ADAM18: variants seen among roughly 807,000 people sequenced by gnomAD.
The protein encoded by ADAM18 is disintegrin and metalloproteinase domain-containing protein 18.
A neutral mutation model predicts 94.4 loss-of-function variants in ADAM18; 117 were observed. The ratio of observed to expected loss-of-function variants is 1.24; its 90% CI spans 1.07 to 1.45. The LOEUF is 1.45. Among genes scored for constraint, ADAM18 ranks in the 40% most tolerant of loss-of-function variants. ADAM18 has a pLI of 0.00. For missense variants in ADAM18, 936 were observed against 880.0 expected (o/e 1.06, Z -0.81); for synonymous variants, 327 against 291.6 (o/e 1.12, Z -1.24).
rs1011023426 is a variant in ADAM18, at chr8:39,649,324, C to T, written c.1230+797C>T. 3.3e-5 allele frequency among the ~76,000 whole-genome samples: 5 copies of T among 152,130 alleles called. No homozygotes were observed. The East Asian group carries it at 9.7e-4, about 29-fold the overall frequency. ...GTATCTCTATATGTGTATATACACA[C>T]ACATATATCACACTTAAATGTATGT... On this transcript the variant is annotated intron_variant, in intron 12 of 19. Transcript: ENST00000265707.
chr8:39,615,295 G>T (rs1353939804), intron 6 of ADAM18, among the ~76,000 whole-genome samples: 1 of 149,680 alleles, frequency 6.7e-6, no homozygotes, highest in African/African-American at 2.5e-5. Context: ...TTCACACCAA[G>T]AAGATCTCTA....
chr8:39,619,620 C>T (rs1356890471), intron 6 of ADAM18, among the ~76,000 whole-genome samples: 1 of 151,888 alleles, frequency 6.6e-6, no homozygotes. Context: ...ATAAAGAATT[C>T]AAGAAAACAA....
At chr8:39,675,603 A>G (rs1821278570) in intron 14 of ADAM18, among the ~76,000 whole-genome samples, 1 of 152,128 alleles carries the variant, frequency 6.6e-6, no homozygotes, top group East Asian at 1.9e-4. Flanking sequence ...TGTTATTACC[A>G]ACCTTCTGAA....
chr8:39,697,023 C>G (rs1051270386), intron 17 of ADAM18, among the ~76,000 whole-genome samples: 7 of 151,394 alleles, frequency 4.6e-5, no homozygotes, highest in Admixed American at 4.6e-4. Flanking sequence ...AAATTTATAT[C>G]TTCTTTAACT....
chr8:39,654,556 T>A (rs1003108660), intron 12 of ADAM18, among the ~76,000 whole-genome samples: 17 of 152,198 alleles, frequency 1.1e-4, no homozygotes, highest in Non-Finnish European at 2.2e-4. Context: ...TTTGGATGTA[T>A]ATCCAGCAGT....
intron 17 of ADAM18, among the ~76,000 whole-genome samples, chr8:39,702,916 T>A (rs1003020186): frequency 1.3e-5 from 2 of 152,222 alleles, no homozygotes; most frequent in African/African-American, 4.8e-5. Flanking sequence ...TCAGGTAGTT[T>A]GATGCCTCCA....
intron 2 of ADAM18, among the ~76,000 whole-genome samples, chr8:39,603,012 A>C (rs1227445939): frequency 6.6e-6 from 1 of 152,154 alleles, no homozygotes; most frequent in Non-Finnish European, 1.5e-5. Flanking sequence ...ATCTTTTTGC[A>C]TGTGGACATC....
chr8:39,663,023 A>G (rs146529744), intron 12 of ADAM18, among the ~76,000 whole-genome samples: 18 of 152,306 alleles, frequency 1.2e-4, no homozygotes, highest in Non-Finnish European at 2.4e-4. Context: ...GTACATAAAT[A>G]TATACTAAGT....
intron 7 of ADAM18, among the ~76,000 whole-genome samples, chr8:39,630,194 A>G (rs953591646): frequency 6.6e-6 from 1 of 151,880 alleles, no homozygotes; most frequent in Non-Finnish European, 1.5e-5. Flanking sequence ...TTGAATAAAT[A>G]CACTTCTGGT....
At chr8:39,692,489 TAA>T (rs1355720325) in intron 16 of ADAM18, 109 bp from the exon 17 acceptor site, 8 of 476,206 alleles carry the variant, frequency 1.7e-5, no homozygotes, top group Admixed American at 8.2e-5. Context: ...TTAATATTAC[TAA>T]AAGTCTTTCA....
chr8:39,675,415 G>A (rs539793729), intron 14 of ADAM18, among the ~76,000 whole-genome samples: 6 of 152,050 alleles, frequency 3.9e-5, no homozygotes, highest in East Asian at 1.9e-4. Context: ...TAATAGAATC[G>A]GCTATTGATG....
At chr8:39,601,125 G>A (rs536533845) in intron 2 of ADAM18, among the ~76,000 whole-genome samples, 48 of 152,170 alleles carry the variant, frequency 3.2e-4, no homozygotes, top group South Asian at 6.2e-4. Context: ...ACCAAATCTC[G>A]CGATAACTAT....
chr8:39,590,886 G>C (rs946944646), intron 2 of ADAM18, among the ~76,000 whole-genome samples: 4 of 152,012 alleles, frequency 2.6e-5, no homozygotes, highest in African/African-American at 9.7e-5. Flanking sequence ...TAATACTTTT[G>C]CTTATTATTG....
At chr8:39,722,590 G>T (rs1175106944) in intron 18 of ADAM18, among the ~76,000 whole-genome samples, 2 of 151,294 alleles carry the variant, frequency 1.3e-5, no homozygotes, top group Admixed American at 6.6e-5. Flanking sequence ...ACACTATTCC[G>T]ATGATAGGTA....
intron 18 of ADAM18, among the ~76,000 whole-genome samples, chr8:39,707,515 C>T (rs1822272345): frequency 6.6e-6 from 1 of 152,148 alleles, no homozygotes; most frequent in South Asian, 2.1e-4. Context: ...GCACTGCAGT[C>T]TTAACTTTTG....
intron 9 of ADAM18, 131 bp downstream of exon 9, chr8:39,637,834 C>G (rs1820128434): frequency 1.4e-6 from 1 of 705,236 alleles, no homozygotes; most frequent in African/African-American, 1.9e-5. Context: ...TAGCCTTTGT[C>G]ATAGAGGTGC....
At chr8:39,664,692 A>G (rs1820944196) in intron 13 of ADAM18, among the ~76,000 whole-genome samples, 2 of 152,204 alleles carry the variant, frequency 1.3e-5, no homozygotes, top group Non-Finnish European at 2.9e-5. Context: ...TCTCATTGAT[A>G]ACTGAAATGC....
rs533656392 is a variant in ADAM18 at position 39,718,248 on chromosome 8, A to C, written c.2018-5500A>C. On this transcript the variant is annotated intron_variant, in intron 18 of 19. Transcript: ENST00000265707. ...TTAAAGAAATTAAAATTAGCATCCC[A>C]AAATTAACAATTTTGTATCCATCAT... Among the ~76,000 whole-genome samples the C allele has an allele frequency of 1.1e-3, 172 of 151,732 alleles. 1 individual carries two copies. The highest frequency in any genetic ancestry group is 3.9e-3 in the African/African-American group (160 of 41,514).
At chr8:39,701,110 T>A (rs1822060631) in intron 17 of ADAM18, among the ~76,000 whole-genome samples, 1 of 56,706 alleles carries the variant, frequency 1.8e-5, no homozygotes, top group South Asian at 7.0e-4. Context: ...AGAGCAAGAC[T>A]CTGTCTCAAA....
Sources: allele counts gnomAD v4.1 joint callset (sites outside exome capture counted in the v4.1 genomes callset), GRCh38; gene constraint gnomAD v4.1.1; transcripts MANE v1.5; gene names NCBI Gene and HGNC (gene_info 2026-07-23, HGNC 2026-07-21).